Variants in TXNDC16 observed in about 807,000 individuals in gnomAD.
TXNDC16 encodes thioredoxin domain-containing protein 16.
In TXNDC16, 74 loss-of-function variants were observed where a neutral mutation model predicts 85.6. The ratio of observed to expected loss-of-function variants is 0.86; its 90% CI spans 0.72 to 1.05. The LOEUF (loss-of-function observed/expected upper bound fraction) is 1.05, where lower values mean the gene tolerates loss of function less well. Ranked by LOEUF, TXNDC16 falls within the 50% of genes least tolerant of loss-of-function variation. The pLI is 0.00. For synonymous variants in TXNDC16, 335 were observed against 326.5 expected, an observed-to-expected ratio of 1.03 and a Z score of -0.28; for missense variants, 959 against 947.0, an observed-to-expected ratio of 1.01 and a Z score of -0.17.
At chr14:52,548,589 C>G (rs2037985821) in intron 1 of TXNDC16, among the ~76,000 whole-genome samples, 1 of 151,988 alleles carries the variant, frequency 6.6e-6, no homozygotes, top group Non-Finnish European at 1.5e-5. Flanking sequence ...TTTCTGCCTC[C>G]AACACTATTA....
intron 6 of TXNDC16, among the ~76,000 whole-genome samples, chr14:52,529,719 A>ATATATATTATATATAATGCCTAT (rs2037442623): frequency 8.5e-6 from 1 of 117,570 alleles, no homozygotes; most frequent in East Asian, 2.4e-4. Context: ...AATGCCTATT[A>ATATATATTATATATAATGCCTAT]TATATATTAT....
chr14:52,522,146 G>C (rs1282044474), intron 6 of TXNDC16, among the ~76,000 whole-genome samples: 3 of 152,106 alleles, frequency 2.0e-5, no homozygotes, highest in Non-Finnish European at 4.4e-5. Flanking sequence ...TAAATTCTAG[G>C]CTTGGAAATT....
Position 52,518,811 on chromosome 14 carries a change from T to G in TXNDC16, c.514+361A>C, listed in dbSNP as rs141880397. On this transcript the variant is annotated intron_variant, in intron 7 of 20. Coordinates refer to ENST00000281741, the MANE Select transcript of TXNDC16 (RefSeq NM_020784.3). ...CTCTAGGAACCATTTAATTATTCAT[T>G]TAATTATTTAATTAAAATAATTTAT... 4.9e-3 allele frequency among the ~76,000 whole-genome samples: 739 copies of G among 152,168 alleles called. 14 individuals carry two copies. Among genetic ancestry groups the G allele is most frequent in the Admixed American group, 0.039 (601 of 15,296 alleles).
At chr14:52,461,166 CTTTA>C (rs2140121406) in intron 16 of TXNDC16, among the ~76,000 whole-genome samples, 1 of 151,492 alleles carries the variant, frequency 6.6e-6, no homozygotes, top group Admixed American at 6.6e-5. Context: ...TTAATAGACT[CTTTA>C]TTTAGAATTC....
chr14:52,506,527 C>CTTTTTTTTTTTTTTTTTTTTTT (rs765293725), intron 9 of TXNDC16, among the ~76,000 whole-genome samples: 26 of 97,552 alleles, frequency 2.7e-4, no homozygotes, highest in East Asian at 4.2e-4. Context: ...TTCAACAACC[C>CTTTTTTTTTTTTTTTTTTTTTT]TTTTTTTTTT....
At chr14:52,455,530 C>A in intron 17 of TXNDC16, 68 bp from the exon 18 acceptor site, 1 of 1,584,322 alleles carries the variant, frequency 6.3e-7, no homozygotes, top group Non-Finnish European at 8.6e-7. Flanking sequence ...AAAATCTAGG[C>A]TAGGAGGTCA....
intron 7 of TXNDC16, among the ~76,000 whole-genome samples, chr14:52,517,887 C>G (rs1351834019): frequency 6.6e-6 from 1 of 152,180 alleles, no homozygotes; most frequent in Non-Finnish European, 1.5e-5. Context: ...TTCAATTGCT[C>G]TCTACCTCTT....
chr14:52,503,224 G>C (rs1310695898), intron 9 of TXNDC16, among the ~76,000 whole-genome samples: 3 of 152,202 alleles, frequency 2.0e-5, no homozygotes, highest in Non-Finnish European at 2.9e-5. Context: ...GGTTTGAAGA[G>C]AGCAGTGGTT....
chr14:52,505,391 T>C (rs1157852850), intron 9 of TXNDC16, among the ~76,000 whole-genome samples: 1 of 152,150 alleles, frequency 6.6e-6, no homozygotes, highest in African/African-American at 2.4e-5. Flanking sequence ...GCAATCAAAC[T>C]AGAACTCAGG....
chr14:52,482,896 G>C lies in TXNDC16; in HGVS notation c.1178C>G (p.Thr393Arg), dbSNP rs1245527568. ...DRKRKLPLEL[T>R]VELTEETFNA... ...AAATGTTTCTTCTGTTAGTTCCACT[G>C]TAAGTTCCAAAGGTAATTTTCTCTT... Residue 393 changes from threonine to arginine, a missense_variant, in exon 13 of 21, where the codon ACA (threonine) becomes AGA (arginine). Thr to Arg is a moderately conservative substitution (Grantham distance 71). Coordinates refer to ENST00000281741, the MANE Select transcript of TXNDC16 (RefSeq NM_020784.3). 5 of 1,612,088 alleles carry C rather than the reference G, an allele frequency of 3.1e-6. No homozygotes were observed. The highest frequency in any genetic ancestry group is 3.3e-5 in the Admixed American group (2 of 59,928).
At chr14:52,546,736 T>C (rs1428526677) in intron 1 of TXNDC16, among the ~76,000 whole-genome samples, 4 of 152,230 alleles carry the variant, frequency 2.6e-5, no homozygotes, top group Non-Finnish European at 4.4e-5. Flanking sequence ...GGGGTTATTA[T>C]AGCAGCATAA....
intron 6 of TXNDC16, among the ~76,000 whole-genome samples, chr14:52,529,702 T>C (rs1384002177): frequency 1.7e-5 from 2 of 115,730 alleles, no homozygotes; most frequent in East Asian, 2.4e-4. Flanking sequence ...TTATATATAA[T>C]ATATATAATG....
Position 52,439,192 on chromosome 14 carries a change from C to T in TXNDC16, c.2194+12G>A. 6.2e-7 allele frequency: 1 copy of T among 1,611,772 alleles called. No homozygotes were observed. ...GCAGAACTACATGTATTAAACAAAA[C>T]AGAAAACTTACTGATATGATTTTCT... On this transcript the variant is annotated intron_variant, in intron 20 of 20. Transcript: ENST00000281741.
intron 18 of TXNDC16, among the ~76,000 whole-genome samples, chr14:52,446,532 G>A (rs1291875522): frequency 6.6e-6 from 1 of 152,106 alleles, no homozygotes; most frequent in Non-Finnish European, 1.5e-5. Context: ...TCCTAGGGCT[G>A]AACTGGGCTC....
intron 14 of TXNDC16, 57 bp downstream of exon 14, chr14:52,482,173 T>C: frequency 2.7e-6 from 4 of 1,461,748 alleles, no homozygotes; most frequent in African/African-American, 1.4e-5. Flanking sequence ...GACATAGTTT[T>C]ACAAATAGCT....
chr14:52,489,005 A>G (rs141563263), intron 11 of TXNDC16, among the ~76,000 whole-genome samples: 1 of 152,310 alleles, frequency 6.6e-6, no homozygotes, highest in East Asian at 1.9e-4. Context: ...AGGTGGCAAA[A>G]AAGGTGCTGA....
chr14:52,529,784 ATAT>A (rs2037446260), intron 6 of TXNDC16, among the ~76,000 whole-genome samples: 2 of 116,482 alleles, frequency 1.7e-5, no homozygotes, highest in South Asian at 4.9e-4. Context: ...TACCTAGTAT[ATAT>A]TATATAATAA....
At chr14:52,518,440 T>C (rs1211168878) in intron 7 of TXNDC16, among the ~76,000 whole-genome samples, 1 of 152,208 alleles carries the variant, frequency 6.6e-6, no homozygotes, top group African/African-American at 2.4e-5. Flanking sequence ...CAAATTCAAC[T>C]TTCAAGTAGC....
At chr14:52,530,159 T>C (rs1442744917) in intron 6 of TXNDC16, among the ~76,000 whole-genome samples, 1 of 87,654 alleles carries the variant, frequency 1.1e-5, no homozygotes, top group Non-Finnish European at 1.9e-5. Flanking sequence ...ATATATAATT[T>C]ATATATATTA....
Sources: allele counts gnomAD v4.1 joint callset (sites outside exome capture counted in the v4.1 genomes callset), GRCh38; gene constraint gnomAD v4.1.1; transcripts MANE v1.5; gene names NCBI Gene and HGNC (gene_info 2026-07-23, HGNC 2026-07-21).